GNB1: variants seen among roughly 807,000 people sequenced by gnomAD.
GNB1 encodes G protein subunit beta 1, also known as guanine nucleotide-binding protein G(I)/G(S)/G(T) subunit beta-1.
GNB1 carries 2 observed loss-of-function variants against 42.9 expected under a neutral mutation model. That is an observed-to-expected ratio of 0.05 (90% CI 0.02 to 0.15). GNB1 has a LOEUF of 0.15. Among genes scored for constraint, GNB1 ranks in the 10% least tolerant of loss-of-function variants. The pLI is 1.00. For missense variants in GNB1, 193 were observed against 462.2 expected, an observed-to-expected ratio of 0.42 and a Z score of 5.34; for synonymous variants, 183 against 174.7, an observed-to-expected ratio of 1.05 and a Z score of -0.38.
At chr1:1,797,972 G>A (rs756958559) in intron 7 of GNB1, among the ~76,000 whole-genome samples, 23 of 152,188 alleles carry the variant, frequency 1.5e-4, no homozygotes, top group Non-Finnish European at 2.9e-4. Flanking sequence ...CCCCAGGATC[G>A]GCTCCAAGGA....
intron 2 of GNB1, among the ~76,000 whole-genome samples, 200 bp downstream of exon 2, chr1:1,838,990 G>GT (rs773567812): frequency 5.3e-5 from 8 of 152,116 alleles, no homozygotes; most frequent in South Asian, 2.1e-4. Flanking sequence ...GCATGCTGGC[G>GT]TATGTCTATA....
chr1:1,881,312 C>G (rs994379576), intron 1 of GNB1, among the ~76,000 whole-genome samples: 1 of 152,098 alleles, frequency 6.6e-6, no homozygotes, highest in African/African-American at 2.4e-5. Flanking sequence ...ACTAGAGTCC[C>G]CTCCCTCCCC....
intron 1 of GNB1, among the ~76,000 whole-genome samples, chr1:1,861,728 T>TA (rs1648640794): frequency 6.6e-6 from 1 of 151,962 alleles, no homozygotes. Context: ...AGGCTCCAGT[T>TA]AGAGCTCAAA....
At chr1:1,788,955 G>A (rs752409620) in intron 10 of GNB1, 98 bp downstream of exon 10, 12 of 860,058 alleles carry the variant, frequency 1.4e-5, no homozygotes, top group Admixed American at 8.4e-5. Context: ...CAGTCCCACC[G>A]ATACTAAAAC....
At chr1:1,890,059 GCCAC>G (rs1217326752) in intron 1 of GNB1, among the ~76,000 whole-genome samples, 2 of 152,162 alleles carry the variant, frequency 1.3e-5, no homozygotes, top group East Asian at 3.9e-4. Flanking sequence ...TCTTGGCGCG[GCCAC>G]CGGGCCCATT....
At chr1:1,806,124 CTGAA>C (rs972035072) in intron 6 of GNB1, among the ~76,000 whole-genome samples, 2 of 152,150 alleles carry the variant, frequency 1.3e-5, no homozygotes, top group African/African-American at 4.8e-5. Flanking sequence ...AAACTTGTAA[CTGAA>C]TGAAAAGTGA....
chr1:1,878,025 T>A (rs1289291458), intron 1 of GNB1, among the ~76,000 whole-genome samples: 2 of 152,154 alleles, frequency 1.3e-5, no homozygotes, highest in African/African-American at 4.8e-5. Context: ...CTATAATGCA[T>A]AGGCTCCAGG....
At chr1:1,884,952 G>C (rs1193347512) in intron 1 of GNB1, among the ~76,000 whole-genome samples, 1 of 151,610 alleles carries the variant, frequency 6.6e-6, no homozygotes, top group African/African-American at 2.4e-5. Context: ...CAAAGTGCTG[G>C]GATTACAGGC....
At chr1:1,817,663 A>T in intron 4 of GNB1, 174 bp downstream of exon 4, 1 of 532,496 alleles carries the variant, frequency 1.9e-6, no homozygotes, top group South Asian at 2.5e-5. Flanking sequence ...TATCTCAATA[A>T]GCCCCTCTAT....
At position 1,863,592 on chromosome 1, in the gene GNB1, C is replaced by T. The variant is rs181705129; in HGVS notation, c.-95-24354G>A. Among the ~76,000 whole-genome samples the T allele has an allele frequency of 4.8e-4, 73 of 152,314 alleles. No homozygotes were observed. In the East Asian group the frequency reaches 0.013, roughly 28 times the overall value. On this transcript the variant is annotated intron_variant, in intron 1 of 11. Coordinates refer to ENST00000378609, the MANE Select transcript of GNB1 (RefSeq NM_002074.5). ...AGGCTCCACCACCTTCTACATGCTGCTACTCTGTTAACTATAAAAGAACAC... is the reference window on the plus strand; with the variant it reads ...AGGCTCCACCACCTTCTACATGCTGTTACTCTGTTAACTATAAAAGAACAC...
intron 5 of GNB1, among the ~76,000 whole-genome samples, chr1:1,811,757 AAC>A (rs1454197844): frequency 1.3e-5 from 2 of 150,916 alleles, no homozygotes; most frequent in African/African-American, 4.9e-5. Flanking sequence ...AAATCAAACA[AAC>A]ACAGTTAAAG....
intron 1 of GNB1, among the ~76,000 whole-genome samples, chr1:1,877,461 T>A (rs1355867143): frequency 1.3e-5 from 2 of 151,788 alleles, no homozygotes; most frequent in Non-Finnish European, 2.9e-5. Flanking sequence ...AGATTATAGA[T>A]TTTTGCTGTA....
At chr1:1,795,377 G>C (rs993510671) in intron 7 of GNB1, among the ~76,000 whole-genome samples, 4 of 152,176 alleles carry the variant, frequency 2.6e-5, no homozygotes, top group Non-Finnish European at 4.4e-5. Context: ...TGTGAGCACA[G>C]AAGGGCAGGA....
rs888273416 is a variant in GNB1, at chr1:1,891,014, C to CCCGCCG, written c.-296_-291dup. The CCCGCCG allele has an allele frequency of 8.0e-4, 123 of 153,378 alleles. 3 individuals are homozygous for CCCGCCG. The highest frequency in any genetic ancestry group is 6.1e-3 in the South Asian group (35 of 5,708). The allele number at this position is 153,378 out of a possible 1,614,324, so 9.5% of individuals were successfully genotyped here. The stretch of plus-strand genomic sequence containing the variant: ...TCCCCACTCGCCGCCCGCTCCCGCT[C>CCCGCCG]CCGCCGCCGCCGCCGCCGCCTCCGT... On this transcript the variant is annotated 5_prime_UTR_variant, in exon 1 of 12. Coordinates refer to ENST00000378609, the MANE Select transcript of GNB1 (RefSeq NM_002074.5).
intron 1 of GNB1, among the ~76,000 whole-genome samples, chr1:1,883,602 T>C (rs1370938474): frequency 1.3e-5 from 2 of 152,220 alleles, no homozygotes; most frequent in Non-Finnish European, 2.9e-5. Context: ...ATCCTCACAA[T>C]GACCCCATGA....
intron 3 of GNB1, 146 bp from the exon 4 acceptor site, chr1:1,818,021 T>G (rs571418888): frequency 1.6e-6 from 1 of 640,112 alleles, no homozygotes; most frequent in East Asian, 2.9e-5. Context: ...TCCTTGCATC[T>G]CAACACCCCA....
At chr1:1,855,570 A>G (rs1388309714) in intron 1 of GNB1, among the ~76,000 whole-genome samples, 5 of 150,940 alleles carry the variant, frequency 3.3e-5, no homozygotes, top group Non-Finnish European at 5.9e-5. Context: ...GCGAGGTGGC[A>G]GGCGCCTGTA....
intron 1 of GNB1, among the ~76,000 whole-genome samples, chr1:1,882,325 G>A (rs922737095): frequency 2.0e-5 from 3 of 151,518 alleles, no homozygotes; most frequent in African/African-American, 7.3e-5. Context: ...CTATTTGGGA[G>A]GCTGAGGCAG....
intron 1 of GNB1, among the ~76,000 whole-genome samples, chr1:1,842,536 T>C (rs1402719310): frequency 2.6e-5 from 4 of 151,472 alleles, no homozygotes; most frequent in East Asian, 1.9e-4. Context: ...AAGCCACATA[T>C]ATACAACCCC....
Sources: gnomAD v4.1 joint callset for allele counts (sites outside exome capture counted in the v4.1 genomes callset) on GRCh38, gnomAD v4.1.1 for gene constraint, MANE v1.5 for transcripts, NCBI Gene and HGNC (gene_info 2026-07-23, HGNC 2026-07-21) for gene names.